Variants in EHMT1 observed in about 807,000 individuals in gnomAD.
The protein encoded by EHMT1 is euchromatic histone lysine methyltransferase 1.
In EHMT1, 15 loss-of-function variants were observed where a neutral mutation model predicts 147.2. The ratio of observed to expected loss-of-function variants is 0.10; its 90% CI spans 0.07 to 0.16. EHMT1 has a LOEUF of 0.16. Among genes scored for constraint, EHMT1 ranks in the 10% least tolerant of loss-of-function variants. The pLI, the probability that EHMT1 is intolerant of heterozygous loss-of-function variation, is 1.00. For missense variants in EHMT1, 1,587 were observed against 1,772.4 expected, an observed-to-expected ratio of 0.90 and a Z score of 1.88; for synonymous variants, 795 against 709.6, an observed-to-expected ratio of 1.12 and a Z score of -1.91.
chr9:137,786,560 C>T lies in EHMT1; in HGVS notation c.2382+4163C>T, dbSNP rs1588702679. Reference sequence around the variant, plus strand: ...GTCTTGGTCGTGTGGAGTCATCTCTCCCGGGCTCCGGTCTTGGTCGTGTGG... The same window carrying T: ...GTCTTGGTCGTGTGGAGTCATCTCTTCCGGGCTCCGGTCTTGGTCGTGTGG... On this transcript the variant is annotated intron_variant, in intron 15 of 26. Coordinates refer to ENST00000460843, the MANE Select transcript of EHMT1 (RefSeq NM_024757.5). The surrounding 1 kb of genome is among the most constrained non-coding windows in gnomAD (Gnocchi z 4.3). 6.6e-6 allele frequency: 1 copy of T among 152,546 alleles called. No homozygotes were observed. Among genetic ancestry groups the T allele is most frequent in the African/African-American group, 2.7e-5 (1 of 37,212 alleles). 9.4% of individuals were successfully genotyped at this position (152,546 alleles called of 1,614,324 possible).
chr9:137,661,174 G>A (rs1486356822), intron 1 of EHMT1, among the ~76,000 whole-genome samples: 2 of 152,080 alleles, frequency 1.3e-5, no homozygotes, highest in Admixed American at 6.5e-5. Context: ...AATTCCCATA[G>A]GTCCTTTTAC....
At chr9:137,653,774 T>A (rs1211610501) in intron 1 of EHMT1, among the ~76,000 whole-genome samples, 4 of 152,194 alleles carry the variant, frequency 2.6e-5, no homozygotes, top group Non-Finnish European at 4.4e-5. Flanking sequence ...TCCGCCTGCC[T>A]CGGCCTCCCA....
chr9:137,682,853 CT>C (rs1244363000), intron 1 of EHMT1, among the ~76,000 whole-genome samples: 2 of 152,194 alleles, frequency 1.3e-5, no homozygotes, highest in African/African-American at 4.8e-5. Flanking sequence ...TGCTGGGCCC[CT>C]AGGACGATGG....
At chr9:137,692,181 G>A (rs1482449423) in intron 1 of EHMT1, among the ~76,000 whole-genome samples, 1 of 152,062 alleles carries the variant, frequency 6.6e-6, no homozygotes, top group Non-Finnish European at 1.5e-5. Context: ...GATGAAGAAC[G>A]TTTACGTGCA....
chr9:137,686,510 C>T (rs1197088527), intron 1 of EHMT1, among the ~76,000 whole-genome samples: 2 of 151,888 alleles, frequency 1.3e-5, no homozygotes, highest in Non-Finnish European at 2.9e-5. Flanking sequence ...TCACCTCAGC[C>T]TCCTGAGTAG....
At chr9:137,754,764 G>A (rs1162987586) in intron 8 of EHMT1, among the ~76,000 whole-genome samples, 2 of 152,138 alleles carry the variant, frequency 1.3e-5, no homozygotes, top group Non-Finnish European at 2.9e-5. Flanking sequence ...CGATCTGCCC[G>A]TTTTGGCCTC....
chr9:137,627,616 C>T (rs968260389), intron 1 of EHMT1, among the ~76,000 whole-genome samples: 2 of 152,090 alleles, frequency 1.3e-5, no homozygotes, highest in Non-Finnish European at 2.9e-5. Flanking sequence ...TGAGCCGCCG[C>T]GCCCGGCCCT....
At chr9:137,689,596 A>G (rs1000246780) in intron 1 of EHMT1, among the ~76,000 whole-genome samples, 3 of 152,128 alleles carry the variant, frequency 2.0e-5, no homozygotes, top group African/African-American at 7.2e-5. Context: ...CCAGCTACTC[A>G]GGAGGCTGAG....
At chr9:137,652,991 G>C (rs1938032770) in intron 1 of EHMT1, among the ~76,000 whole-genome samples, 2 of 152,202 alleles carry the variant, frequency 1.3e-5, no homozygotes, top group African/African-American at 4.8e-5. Flanking sequence ...GCCTCCCAAA[G>C]TGCTGGGATT....
chr9:137,754,910 G>A (rs564585615), intron 8 of EHMT1, among the ~76,000 whole-genome samples: 111 of 152,324 alleles, frequency 7.3e-4, no homozygotes, highest in African/African-American at 2.2e-3. Context: ...CTCCCACGTT[G>A]TGTGCAGGAA....
intron 18 of EHMT1, among the ~76,000 whole-genome samples, chr9:137,805,319 C>T (rs1197119643): frequency 6.6e-6 from 1 of 152,208 alleles, no homozygotes; most frequent in Non-Finnish European, 1.5e-5. Context: ...AGTCTGTCGT[C>T]CACATGTATG....
intron 1 of EHMT1, among the ~76,000 whole-genome samples, chr9:137,677,599 C>T (rs1413958114): frequency 6.6e-6 from 1 of 151,636 alleles, no homozygotes; most frequent in East Asian, 2.0e-4. Flanking sequence ...CTAAGTTTTT[C>T]TATTTTTAGT....
At chr9:137,716,556 AAGT>A (rs1945317549) in intron 2 of EHMT1, 67 bp from the exon 3 acceptor site, 1 of 1,397,900 alleles carries the variant, frequency 7.2e-7, no homozygotes, top group Admixed American at 2.4e-5. Context: ...GTGGGGGAGG[AAGT>A]GGTGGTGGTG....
chr9:137,811,408 G>C (rs2137669629), intron 18 of EHMT1, 53 bp from the exon 19 acceptor site: 1 of 1,608,148 alleles, frequency 6.2e-7, no homozygotes, highest in African/African-American at 1.3e-5. Context: ...CCCAGCCCCA[G>C]CACTGTGAGC....
intron 17 of EHMT1, chr9:137,800,523 A>C: frequency 3.2e-6 from 1 of 313,780 alleles, no homozygotes; most frequent in South Asian, 3.1e-5. Flanking sequence ...TGGGCTTACG[A>C]AGTTTCAGCT....
Position 137,717,025 on chromosome 9 carries a change from G to T in EHMT1, c.485G>T (p.Gly162Val), listed in dbSNP as rs769036698. 5.0e-6 allele frequency: 8 copies of T among 1,606,682 alleles called. No homozygotes were observed. The African/African-American group carries it at 1.1e-4, about 22-fold the overall frequency. ...AKTLPGGAGK[G>V]RTPSAFPQTP... Reference sequence around the variant, plus strand: ...ACCCTTCCTGGAGGGGCTGGCAAAGGCAGGACTCCAAGCGCTTTTCCCCAG... The same window carrying T: ...ACCCTTCCTGGAGGGGCTGGCAAAGTCAGGACTCCAAGCGCTTTTCCCCAG... Residue 162 changes from glycine to valine, a missense_variant, in exon 3 of 27, where the codon GGC becomes GTC. Gly to Val is a moderately radical substitution (Grantham distance 109, BLOSUM62 -3). Around this residue, in one of 7 missense-constraint regions of EHMT1, gnomAD observed 810 missense variants for 673.0 expected, o/e 1.20. Transcript: ENST00000460843.
At chr9:137,750,455 TACCTAGAA>T (rs1478153444) in intron 6 of EHMT1, among the ~76,000 whole-genome samples, 6 of 152,122 alleles carry the variant, frequency 3.9e-5, no homozygotes, top group Non-Finnish European at 8.8e-5. Context: ...ATCACCAGAG[TACCTAGAA>T]ATAAACTTAA....
At chr9:137,624,307 CTTT>C (rs1252295320) in intron 1 of EHMT1, among the ~76,000 whole-genome samples, 59 of 130,772 alleles carry the variant, frequency 4.5e-4, no homozygotes, top group African/African-American at 1.4e-3. Flanking sequence ...TGCCCGGCCT[CTTT>C]TTTTTTTTTT....
At chr9:137,751,422 T>C (rs1948957950) in intron 6 of EHMT1, among the ~76,000 whole-genome samples, 1 of 152,178 alleles carries the variant, frequency 6.6e-6, no homozygotes, top group Non-Finnish European at 1.5e-5. Context: ...TCCCAGAGCA[T>C]TGGGATTACA....
Sources: gnomAD v4.1 joint callset for allele counts (sites outside exome capture counted in the v4.1 genomes callset) on GRCh38, gnomAD v4.1.1 for gene constraint, gnomAD v4.1.1 regional missense constraint, Gnocchi (gnomAD v3.1) non-coding constraint, MANE v1.5 for transcripts, NCBI Gene and HGNC (gene_info 2026-07-23, HGNC 2026-07-21) for gene names.